The following GPR149 variants were observed in gnomAD, a reference collection of about 807,000 sequenced individuals.
GPR149 encodes the protein probable G protein-coupled receptor 149.
GPR149 carries 50 observed loss-of-function variants against 50.2 expected under a neutral mutation model. That is an observed-to-expected ratio of 1.00 (90% CI 0.79 to 1.26). GPR149 has a LOEUF of 1.26. Among genes scored for constraint, GPR149 ranks in the 50% most tolerant of loss-of-function variants. GPR149 has a pLI of 0.00. For missense variants in GPR149, 983 were observed against 895.4 expected (o/e 1.10, Z -1.25); for synonymous variants, 405 against 358.2 (o/e 1.13, Z -1.48).
chr3:154,353,742 TC>T (rs1265485593), intron 3 of GPR149: 3 of 895,332 alleles, frequency 3.4e-6, no homozygotes, highest in Non-Finnish European at 5.5e-6. Flanking sequence ...TTCTTTGGAG[TC>T]TTTCAATCAA....
intron 3 of GPR149, among the ~76,000 whole-genome samples, chr3:154,391,114 T>C (rs1040498636): frequency 6.6e-6 from 1 of 151,936 alleles, no homozygotes; most frequent in Non-Finnish European, 1.5e-5. Context: ...AATAATAAAA[T>C]ATATGAAAGT....
chr3:154,384,837 T>C (rs1715012158), intron 3 of GPR149, among the ~76,000 whole-genome samples: 1 of 152,236 alleles, frequency 6.6e-6, no homozygotes, highest in Non-Finnish European at 1.5e-5. Flanking sequence ...AACATCAGGA[T>C]GACCACTGTT....
intron 3 of GPR149, among the ~76,000 whole-genome samples, chr3:154,419,227 A>G (rs1474711879): frequency 2.0e-5 from 3 of 152,068 alleles, no homozygotes; most frequent in African/African-American, 7.2e-5. Flanking sequence ...TATACTTTAC[A>G]TAAATCATTT....
At chr3:154,425,590 A>G (rs1030515292) in intron 2 of GPR149, among the ~76,000 whole-genome samples, 1 of 152,164 alleles carries the variant, frequency 6.6e-6, no homozygotes, top group African/African-American at 2.4e-5. Flanking sequence ...AACTATAAGC[A>G]TCTTAAGCTA....
chr3:154,386,327 C>G (rs1217458776), intron 3 of GPR149, among the ~76,000 whole-genome samples: 2 of 152,182 alleles, frequency 1.3e-5, no homozygotes, highest in Non-Finnish European at 2.9e-5. Context: ...CACATCATTT[C>G]TAAAGACGCA....
chr3:154,365,042 C>T (rs188488600), intron 3 of GPR149, among the ~76,000 whole-genome samples: 22 of 152,310 alleles, frequency 1.4e-4, no homozygotes, highest in Admixed American at 5.9e-4. Flanking sequence ...CTGCAGCCAC[C>T]CTGCTCCTGT....
At chr3:154,342,454 G>T (rs1428301917) in intron 3 of GPR149, among the ~76,000 whole-genome samples, 1 of 152,092 alleles carries the variant, frequency 6.6e-6, no homozygotes, top group African/African-American at 2.4e-5. Context: ...ACCCAGGCTG[G>T]AGTGCAGTGG....
chr3:154,393,532 C>T (rs1183165254), intron 3 of GPR149, among the ~76,000 whole-genome samples: 3 of 151,934 alleles, frequency 2.0e-5, no homozygotes, highest in South Asian at 2.1e-4. Context: ...GGCAAGGATG[C>T]CCACTCTCGC....
At position 154,338,159 on chromosome 3, in the gene GPR149, C is replaced by T. The variant is rs1054383491; in HGVS notation, c.1736G>A (p.Gly579Glu). ...CTTAGAGGCTGGAGTTATTTTTTGCCCTTCTGCGCTTACCTCATAGGTAGA... is the reference window on the plus strand; with the variant it reads ...CTTAGAGGCTGGAGTTATTTTTTGCTCTTCTGCGCTTACCTCATAGGTAGA... ...SLSTYEVSAE[G>E]QKITPASKKI... The change falls in exon 4 of 4, where the codon GGG (glycine) becomes GAG (glutamate). Residue 579 changes from glycine to glutamate, a missense_variant. Gly to Glu is a moderately conservative substitution (Grantham distance 98). Coordinates refer to ENST00000389740, the MANE Select transcript of GPR149 (RefSeq NM_001038705.3). 2 of 1,614,090 alleles carry T rather than the reference C, an allele frequency of 1.2e-6. No individual in the cohort carries two copies. The highest frequency in any genetic ancestry group is 1.7e-6 in the Non-Finnish European group (2 of 1,180,006).
At chr3:154,422,959 A>G (rs1559991719) in intron 2 of GPR149, among the ~76,000 whole-genome samples, 1 of 151,956 alleles carries the variant, frequency 6.6e-6, no homozygotes, top group Admixed American at 6.6e-5. Flanking sequence ...GGCCATTAAG[A>G]AAACAAATGC....
At chr3:154,364,800 G>C (rs1431854453) in intron 3 of GPR149, among the ~76,000 whole-genome samples, 1 of 152,228 alleles carries the variant, frequency 6.6e-6, no homozygotes, top group Non-Finnish European at 1.5e-5. Flanking sequence ...TGCTCATGCA[G>C]CAGTTCTCAT....
intron 3 of GPR149, among the ~76,000 whole-genome samples, chr3:154,409,120 A>G (rs1203881114): frequency 6.6e-6 from 1 of 152,208 alleles, no homozygotes; most frequent in Non-Finnish European, 1.5e-5. Flanking sequence ...TAGACCCAGA[A>G]GAGCAAAAAC....
chr3:154,407,446 T>G (rs1460780244), intron 3 of GPR149, among the ~76,000 whole-genome samples: 1 of 152,078 alleles, frequency 6.6e-6, no homozygotes, highest in Non-Finnish European at 1.5e-5. Context: ...TTTCTTTATG[T>G]GTATATCAGA....
chr3:154,338,510 A>G (rs1713710917), intron 3 of GPR149, among the ~76,000 whole-genome samples: 3 of 152,210 alleles, frequency 2.0e-5, no homozygotes, highest in South Asian at 2.1e-4. Flanking sequence ...GATGAGGGGC[A>G]TATTTCCCCA....
At chr3:154,357,313 A>G (rs910445008) in intron 3 of GPR149, among the ~76,000 whole-genome samples, 1 of 152,138 alleles carries the variant, frequency 6.6e-6, no homozygotes, top group African/African-American at 2.4e-5. Context: ...AATGGCAACA[A>G]AAGCCAAAAT....
intron 3 of GPR149, among the ~76,000 whole-genome samples, chr3:154,390,296 T>C (rs1174447703): frequency 6.6e-6 from 1 of 152,000 alleles, no homozygotes. Flanking sequence ...AAAATTCAAA[T>C]AGATGCTTGT....
intron 3 of GPR149, among the ~76,000 whole-genome samples, chr3:154,347,250 T>G (rs1424829674): frequency 6.6e-6 from 1 of 152,204 alleles, no homozygotes; most frequent in Non-Finnish European, 1.5e-5. Context: ...CTAGGTAATT[T>G]ATAAAAGAAA....
intron 3 of GPR149, among the ~76,000 whole-genome samples, chr3:154,408,226 C>T (rs1711747342): frequency 6.6e-6 from 1 of 152,206 alleles, no homozygotes; most frequent in South Asian, 2.1e-4. Flanking sequence ...TAGCTTGCAG[C>T]TCCCACTCAG....
intron 3 of GPR149, chr3:154,352,122 T>A (rs2108389741): frequency 1.4e-6 from 1 of 689,754 alleles, no homozygotes; most frequent in East Asian, 2.9e-5. Context: ...ACTGGTAGAT[T>A]AAGTATCAAA....
Sources: gnomAD v4.1 joint callset for allele counts (sites outside exome capture counted in the v4.1 genomes callset) on GRCh38, gnomAD v4.1.1 for gene constraint, MANE v1.5 for transcripts, NCBI Gene and HGNC (gene_info 2026-07-23, HGNC 2026-07-21) for gene names.